The following ROBO1 variants were observed in gnomAD, a reference collection of about 807,000 sequenced individuals.
ROBO1 encodes the protein roundabout guidance receptor 1.
ROBO1 carries 149 observed loss-of-function variants against 195.9 expected under a neutral mutation model. That is an observed-to-expected ratio of 0.76 (90% CI 0.67 to 0.87). ROBO1 has a LOEUF of 0.87. ROBO1 is among the 40% of genes least tolerant of loss of function. The pLI is 0.00. For synonymous variants in ROBO1, 816 were observed against 733.2 expected (o/e 1.11, Z -1.82); for missense variants, 1,933 against 2,068.3 (o/e 0.93, Z 1.27).
intron 4 of ROBO1, among the ~76,000 whole-genome samples, chr3:78,873,965 C>T (rs2035693613): frequency 6.6e-6 from 1 of 151,848 alleles, no homozygotes; most frequent in Non-Finnish European, 1.5e-5. Flanking sequence ...CAATTTGTTT[C>T]TGTAACCCAT....
At chr3:79,748,447 A>G (rs1703968508) in intron 1 of ROBO1, among the ~76,000 whole-genome samples, 1 of 152,236 alleles carries the variant, frequency 6.6e-6, no homozygotes, top group African/African-American at 2.4e-5. Flanking sequence ...TATTCTTAAT[A>G]TGGATCTCCA....
At chr3:79,261,705 C>A (rs1287194932) in intron 2 of ROBO1, among the ~76,000 whole-genome samples, 2 of 151,700 alleles carry the variant, frequency 1.3e-5, no homozygotes, top group African/African-American at 4.8e-5. Flanking sequence ...AATTTACTTG[C>A]CAAAGATATT....
chr3:79,056,458 C>G (rs891459921), intron 3 of ROBO1, among the ~76,000 whole-genome samples: 12 of 152,102 alleles, frequency 7.9e-5, no homozygotes, highest in African/African-American at 2.7e-4. Flanking sequence ...ATTCAACAGA[C>G]CACTCCTGTT....
intron 1 of ROBO1, among the ~76,000 whole-genome samples, chr3:79,714,750 C>T (rs1167719867): frequency 6.7e-6 from 1 of 149,274 alleles, no homozygotes; most frequent in East Asian, 2.0e-4. Context: ...ATCACAAGGA[C>T]AAAAACCAAA....
intron 3 of ROBO1, among the ~76,000 whole-genome samples, chr3:79,026,633 A>G (rs2078208135): frequency 6.6e-6 from 1 of 152,098 alleles, no homozygotes. Context: ...ATTGGGAAAC[A>G]TAAAGATATA....
At chr3:78,812,056 A>G (rs1284619166) in intron 4 of ROBO1, among the ~76,000 whole-genome samples, 1 of 152,150 alleles carries the variant, frequency 6.6e-6, no homozygotes, top group African/African-American at 2.4e-5. Context: ...TATGCTTGGA[A>G]GTGAACATTC....
chr3:79,573,930 T>G (rs1943361810), intron 2 of ROBO1, among the ~76,000 whole-genome samples: 1 of 152,098 alleles, frequency 6.6e-6, no homozygotes, highest in Admixed American at 6.6e-5. Context: ...CTTTGTTTGG[T>G]TAACCCATGG....
chr3:78,695,538 T>G (rs1487843756), intron 8 of ROBO1, among the ~76,000 whole-genome samples: 1 of 150,468 alleles, frequency 6.6e-6, no homozygotes, highest in Non-Finnish European at 1.5e-5. Context: ...GGCAGGGGAA[T>G]TGTTTGAATC....
chr3:79,017,494 T>TGTGTGTG (rs1553659458), intron 3 of ROBO1, among the ~76,000 whole-genome samples: 5 of 149,948 alleles, frequency 3.3e-5, no homozygotes, highest in South Asian at 2.1e-4. Context: ...TGTGTGTGTG[T>TGTGTGTG]TTTAAAGCCT....
At chr3:78,959,828 C>T (rs968535531) in intron 3 of ROBO1, among the ~76,000 whole-genome samples, 1 of 152,124 alleles carries the variant, frequency 6.6e-6, no homozygotes, top group African/African-American at 2.4e-5. Context: ...GATAGCACAA[C>T]ATTTCAGCAA....
chr3:79,338,836 C>T (rs771703988), intron 2 of ROBO1, among the ~76,000 whole-genome samples: 2 of 152,132 alleles, frequency 1.3e-5, no homozygotes, highest in Non-Finnish European at 2.9e-5. Flanking sequence ...CTACTTCTCA[C>T]CTGAACTCCA....
chr3:79,219,658 G>A (rs2082105235), intron 2 of ROBO1, among the ~76,000 whole-genome samples: 1 of 151,918 alleles, frequency 6.6e-6, no homozygotes, highest in African/African-American at 2.4e-5. Context: ...GAACAGTGCT[G>A]TTCATTTTTC....
intron 2 of ROBO1, among the ~76,000 whole-genome samples, chr3:79,251,239 CATT>C (rs1236482362): frequency 6.6e-6 from 1 of 152,044 alleles, no homozygotes; most frequent in Non-Finnish European, 1.5e-5. Flanking sequence ...AAAAGCAACA[CATT>C]ATTATCTTCA....
Position 78,704,956 on chromosome 3 carries a change from T to G in ROBO1, c.1045+9441A>C, listed in dbSNP as rs540049798. Among the ~76,000 whole-genome samples the G allele has an allele frequency of 1.5e-3, 233 of 152,358 alleles. 1 individual carries two copies. The highest frequency in any genetic ancestry group is 5.4e-3 in the African/African-American group (225 of 41,584). ...AAATTATCAAATGCACATTTCTTTT[T>G]GTGGATTACGCCTGCTGATCCATTT... is the stretch of plus-strand genomic sequence containing the variant. On this transcript the variant is annotated intron_variant, in intron 8 of 30. Coordinates refer to ENST00000464233, the MANE Select transcript of ROBO1 (RefSeq NM_002941.4).
intron 4 of ROBO1, among the ~76,000 whole-genome samples, chr3:78,898,325 A>G (rs1167704979): frequency 6.7e-6 from 1 of 149,158 alleles, no homozygotes; most frequent in Non-Finnish European, 1.5e-5. Flanking sequence ...TCTATGGACT[A>G]TATATATAGA....
chr3:78,806,847 G>T (rs1400847640), intron 4 of ROBO1, among the ~76,000 whole-genome samples: 1 of 150,446 alleles, frequency 6.6e-6, no homozygotes, highest in Non-Finnish European at 1.5e-5. Context: ...TCACTCTGTT[G>T]CCCAGGCTAG....
chr3:79,357,114 G>GCC (rs2035587466), intron 2 of ROBO1, among the ~76,000 whole-genome samples: 1 of 151,906 alleles, frequency 6.6e-6, no homozygotes, highest in Admixed American at 6.6e-5. Context: ...TTAGTGTAAG[G>GCC]CCCAAATGGT....
chr3:79,319,009 A>G (rs1013863144), intron 2 of ROBO1, among the ~76,000 whole-genome samples: 2 of 152,216 alleles, frequency 1.3e-5, no homozygotes, highest in Non-Finnish European at 2.9e-5. Context: ...GTACAAGTGC[A>G]GTTTTGTTAC....
At chr3:79,400,456 T>C (rs980307372) in intron 2 of ROBO1, among the ~76,000 whole-genome samples, 3 of 152,108 alleles carry the variant, frequency 2.0e-5, no homozygotes, top group African/African-American at 7.2e-5. Context: ...CATTTTACAT[T>C]TCCCCCCATC....
Sources: gnomAD v4.1 joint callset for allele counts (sites outside exome capture counted in the v4.1 genomes callset) on GRCh38, gnomAD v4.1.1 for gene constraint, MANE v1.5 for transcripts, NCBI Gene and HGNC (gene_info 2026-07-23, HGNC 2026-07-21) for gene names.